HS2ST1: variants seen among roughly 807,000 people sequenced by gnomAD.
HS2ST1 encodes the protein 2-O-sulfotransferase.
HS2ST1 carries 18 observed loss-of-function variants against 42.9 expected under a neutral mutation model. The observed-to-expected ratio is 0.42, with a 90% confidence interval of 0.29 to 0.62. HS2ST1 has a LOEUF of 0.62. HS2ST1 is among the 20% of genes least tolerant of loss of function. HS2ST1 has a pLI of 0.21. For synonymous variants in HS2ST1, 146 were observed against 152.9 expected (o/e 0.95, Z 0.33); for missense variants, 334 against 433.8 (o/e 0.77, Z 2.04).
chr1:86,949,306 G>A (rs1020126532), intron 1 of HS2ST1, among the ~76,000 whole-genome samples: 9 of 152,110 alleles, frequency 5.9e-5, no homozygotes, highest in African/African-American at 1.4e-4. Flanking sequence ...GCAGGGTTTC[G>A]CCATGTTGGC....
chr1:87,016,473 TTC>T (rs1302500716), intron 1 of HS2ST1, among the ~76,000 whole-genome samples: 4 of 152,276 alleles, frequency 2.6e-5, no homozygotes, highest in African/African-American at 9.6e-5. Context: ...CTCCATTCCT[TTC>T]TCTCTCTCTC....
chr1:87,101,156 G>GT lies in HS2ST1; in HGVS notation c.687-2247dup, dbSNP rs1162453464. 3.4e-3 allele frequency among the ~76,000 whole-genome samples: 307 copies of GT among 91,074 alleles called. 16 individuals carry two copies. The highest frequency in any genetic ancestry group is 6.7e-3 in the African/African-American group (150 of 22,320). The allele number at this position is 91,074 out of a possible 152,430, so 59.7% of individuals were successfully genotyped here. On this transcript the variant is annotated intron_variant, in intron 5 of 6. Transcript: ENST00000370550. ...TTTTGTGTGTGTGTGTGTGTTTTTT[G>GT]TTTTTTTTTTTTTTTTTTTTTTTTT...
intron 1 of HS2ST1, among the ~76,000 whole-genome samples, chr1:86,974,887 T>A (rs898451290): frequency 6.6e-6 from 1 of 150,896 alleles, no homozygotes; most frequent in African/African-American, 2.4e-5. Context: ...CTCAGGATCT[T>A]TCTGATCTCT....
At chr1:86,968,760 C>T (rs1029175962) in intron 1 of HS2ST1, among the ~76,000 whole-genome samples, 7 of 151,898 alleles carry the variant, frequency 4.6e-5, no homozygotes, top group East Asian at 1.9e-4. Context: ...ACGGTTTAAA[C>T]GTCTTTACTT....
chr1:86,980,618 A>C (rs764181130), intron 1 of HS2ST1, among the ~76,000 whole-genome samples: 4 of 152,216 alleles, frequency 2.6e-5, no homozygotes, highest in Non-Finnish European at 4.4e-5. Context: ...AAAAGTGCTA[A>C]GTATTATTGA....
intron 1 of HS2ST1, among the ~76,000 whole-genome samples, chr1:87,038,332 A>G (rs1365024005): frequency 6.6e-6 from 1 of 152,122 alleles, no homozygotes; most frequent in Non-Finnish European, 1.5e-5. Flanking sequence ...AACTGTGTCA[A>G]TACATTTTAT....
chr1:87,076,662 G>T (rs868673448), intron 2 of HS2ST1, among the ~76,000 whole-genome samples: 5 of 152,244 alleles, frequency 3.3e-5, no homozygotes, highest in African/African-American at 9.6e-5. Flanking sequence ...TTAATAGAGA[G>T]GAATTGGCAA....
chr1:86,937,760 C>G (rs1000201349), intron 1 of HS2ST1, among the ~76,000 whole-genome samples: 2 of 151,864 alleles, frequency 1.3e-5, no homozygotes, highest in Non-Finnish European at 2.9e-5. Context: ...CTGAGCTAAT[C>G]AGTCTTTTTT....
intron 1 of HS2ST1, among the ~76,000 whole-genome samples, chr1:87,065,964 C>G (rs1651239009): frequency 1.3e-5 from 2 of 152,086 alleles, no homozygotes; most frequent in Non-Finnish European, 2.9e-5. Flanking sequence ...TTTCTCTTTG[C>G]TGTTTCTTAT....
chr1:87,013,543 CAT>C, intron 1 of HS2ST1, among the ~76,000 whole-genome samples: 1 of 152,356 alleles, frequency 6.6e-6, no homozygotes, highest in Non-Finnish European at 1.5e-5. Flanking sequence ...GCCATGAAGA[CAT>C]GTCATGCCCT....
At chr1:87,038,871 A>G (rs1385997812) in intron 1 of HS2ST1, among the ~76,000 whole-genome samples, 1 of 152,212 alleles carries the variant, frequency 6.6e-6, no homozygotes, top group East Asian at 1.9e-4. Flanking sequence ...AACTTTTTAC[A>G]TACCTTTTTA....
intron 5 of HS2ST1, among the ~76,000 whole-genome samples, chr1:87,100,686 C>T (rs531062200): frequency 6.6e-6 from 1 of 152,294 alleles, no homozygotes; most frequent in South Asian, 2.1e-4. Context: ...GTAATTCCAG[C>T]ACTTTGGAAG....
intron 1 of HS2ST1, among the ~76,000 whole-genome samples, chr1:86,972,021 G>T (rs1220037316): frequency 1.3e-5 from 2 of 152,164 alleles, no homozygotes; most frequent in Admixed American, 6.5e-5. Context: ...ACATAGAGAA[G>T]ATGTTCAGTA....
chr1:86,928,525 T>C (rs1660470018), intron 1 of HS2ST1, among the ~76,000 whole-genome samples: 1 of 151,922 alleles, frequency 6.6e-6, no homozygotes, highest in Non-Finnish European at 1.5e-5. Flanking sequence ...TTCAACACAG[T>C]CTTATTGCTT....
chr1:87,090,005 G>A (rs1651902829), intron 3 of HS2ST1, among the ~76,000 whole-genome samples: 2 of 152,114 alleles, frequency 1.3e-5, no homozygotes, highest in Admixed American at 6.6e-5. Flanking sequence ...AGAGGATAGA[G>A]AGGATTCCCA....
intron 1 of HS2ST1, among the ~76,000 whole-genome samples, chr1:86,935,662 C>G (rs947489864): frequency 2.6e-5 from 4 of 151,658 alleles, no homozygotes; most frequent in African/African-American, 9.7e-5. Context: ...TGGGGTTTTG[C>G]CGTGTTGACC....
chr1:87,091,661 T>A (rs1651947250), intron 3 of HS2ST1, among the ~76,000 whole-genome samples: 1 of 132,884 alleles, frequency 7.5e-6, no homozygotes, highest in Non-Finnish European at 1.6e-5. Flanking sequence ...ACAGGTCACA[T>A]CTGCGAGAAA....
chr1:86,981,256 A>G (rs1313022453), intron 1 of HS2ST1, among the ~76,000 whole-genome samples: 1 of 152,174 alleles, frequency 6.6e-6, no homozygotes, highest in African/African-American at 2.4e-5. Flanking sequence ...GGGAATTACA[A>G]TTTGAGATGA....
chr1:86,963,753 C>CCG (rs1553133285), intron 1 of HS2ST1, among the ~76,000 whole-genome samples: 3 of 145,882 alleles, frequency 2.1e-5, no homozygotes, highest in African/African-American at 5.1e-5. Flanking sequence ...CGCCCCCCCC[C>CCG]CCACCTCCCG....
Sources: allele counts gnomAD v4.1 joint callset (sites outside exome capture counted in the v4.1 genomes callset), GRCh38; gene constraint gnomAD v4.1.1; transcripts MANE v1.5; gene names NCBI Gene and HGNC (gene_info 2026-07-23, HGNC 2026-07-21).